The following TMC2 variants were observed in gnomAD, a reference collection of about 807,000 sequenced individuals.
TMC2 encodes the protein transmembrane channel-like protein 2.
In TMC2, 102 loss-of-function variants were observed where a neutral mutation model predicts 105.9. The observed-to-expected ratio is 0.96, with a 90% CI of 0.82 to 1.14. The LOEUF (loss-of-function observed/expected upper bound fraction) is 1.14, where lower values mean the gene tolerates loss of function less well. Ranked by LOEUF, TMC2 falls within the 50% of genes most tolerant of loss-of-function variation. The pLI, the probability that TMC2 is intolerant of heterozygous loss-of-function variation, is 0.00. For synonymous variants in TMC2, 402 were observed against 422.8 expected (o/e 0.95, Z 0.60); for missense variants, 1,093 against 1,134.3 (o/e 0.96, Z 0.52).
chr20:2,624,223 CCACAGGCA>C, intron 16 of TMC2, 40 bp from the exon 17 acceptor site: 1 of 1,591,238 alleles, frequency 6.3e-7, no homozygotes, highest in Middle Eastern at 1.7e-4. Context: ...GCTGTGAATG[CCACAGGCA>C]CATGGCAGCA....
intron 10 of TMC2, among the ~76,000 whole-genome samples, chr20:2,598,231 G>A (rs1021957386): frequency 2.0e-5 from 3 of 151,496 alleles, no homozygotes; most frequent in Non-Finnish European, 2.9e-5. Flanking sequence ...CTTGGTAGTT[G>A]GAAAATAACA....
chr20:2,597,209 A>C lies in TMC2; in HGVS notation c.1135A>C (p.Ser379Arg), dbSNP rs1196277297. Residue 379 changes from serine to arginine, a missense_variant, in exon 10 of 20, where the codon AGC (serine) becomes CGC (arginine). Physicochemically the swap from Ser to Arg is moderately radical, Grantham distance 110 (BLOSUM62 -1). Transcript: ENST00000358864. ...AGGGGAGAGTGACAACTTCACATTC[A>C]GCTTCAAGATGTTCACCAGCTGGGA... is the stretch of plus-strand genomic sequence containing the variant. ...GEGESDNFTF[S>R]FKMFTSWDYL... is the part of the protein sequence containing the mutation. 1.2e-6 allele frequency: 2 copies of C among 1,614,156 alleles called. No individual in the cohort carries two copies. The highest frequency in any genetic ancestry group is 4.5e-5 in the East Asian group (2 of 44,882).
intron 11 of TMC2, among the ~76,000 whole-genome samples, chr20:2,603,933 C>A (rs1157757105): frequency 6.6e-6 from 1 of 152,212 alleles, no homozygotes; most frequent in Non-Finnish European, 1.5e-5. Context: ...AGCCAACTAG[C>A]AGTTCTTGAA....
chr20:2,557,043 C>T (rs1003141494), intron 2 of TMC2, among the ~76,000 whole-genome samples: 1 of 151,998 alleles, frequency 6.6e-6, no homozygotes, highest in Non-Finnish European at 1.5e-5. Context: ...AGTGTGAATA[C>T]GATATGCCTA....
At chr20:2,598,908 A>G (rs6050514) in intron 10 of TMC2, among the ~76,000 whole-genome samples, 8,422 of 152,194 alleles carry the variant, frequency 0.055, 568 homozygotes, top group African/African-American at 0.16. Flanking sequence ...AAAAAGAGAC[A>G]GAAAGTTTCC....
At chr20:2,574,423 C>T (rs2086128306) in intron 5 of TMC2, among the ~76,000 whole-genome samples, 1 of 152,150 alleles carries the variant, frequency 6.6e-6, no homozygotes, top group African/African-American at 2.4e-5. Context: ...ATAGCGTTAC[C>T]TCCTCTTTAT....
intron 2 of TMC2, among the ~76,000 whole-genome samples, chr20:2,543,747 T>G (rs1007883683): frequency 6.6e-6 from 1 of 152,194 alleles, no homozygotes; most frequent in African/African-American, 2.4e-5. Flanking sequence ...CAATTTCTCC[T>G]TGTGGTCATT....
intron 7 of TMC2, among the ~76,000 whole-genome samples, chr20:2,589,251 A>G (rs2086251363): frequency 7.9e-6 from 1 of 126,788 alleles, no homozygotes; most frequent in Non-Finnish European, 1.6e-5. Context: ...GGCTTTTTCC[A>G]GATATCTTCC....
chr20:2,630,212 G>C (rs2086594151), intron 17 of TMC2, among the ~76,000 whole-genome samples: 1 of 152,078 alleles, frequency 6.6e-6, no homozygotes, highest in Non-Finnish European at 1.5e-5. Flanking sequence ...CGATTGCATT[G>C]GATAGAACTT....
chr20:2,627,355 G>A (rs7509377), intron 17 of TMC2, among the ~76,000 whole-genome samples: 63,293 of 152,030 alleles, frequency 0.42, 15,437 homozygotes, highest in East Asian at 0.55. Flanking sequence ...CAGCCTCTCT[G>A]GTGTCATTTT....
intron 6 of TMC2, 58 bp from the exon 7 acceptor site, chr20:2,579,892 A>T: frequency 9.2e-7 from 1 of 1,091,686 alleles, no homozygotes; most frequent in Non-Finnish European, 1.4e-6. Flanking sequence ...TAAAGTGCTC[A>T]ATAGTGTCCA....
At chr20:2,577,198 G>A (rs189897526) in intron 5 of TMC2, among the ~76,000 whole-genome samples, 93 of 151,952 alleles carry the variant, frequency 6.1e-4, no homozygotes, top group African/African-American at 2.2e-4. Flanking sequence ...GTGAGCAACC[G>A]TCCCCAGCCT....
intron 7 of TMC2, among the ~76,000 whole-genome samples, chr20:2,589,400 C>A (rs1246083887): frequency 1.3e-5 from 2 of 151,634 alleles, no homozygotes; most frequent in Non-Finnish European, 2.9e-5. Context: ...CTCAACCTCC[C>A]AAACCTATTT....
At chr20:2,593,929 A>G (rs2086286093) in intron 8 of TMC2, among the ~76,000 whole-genome samples, 2 of 152,042 alleles carry the variant, frequency 1.3e-5, no homozygotes, top group African/African-American at 4.8e-5. Flanking sequence ...TAGTGCCCCA[A>G]TGCCACCAAG....
At chr20:2,629,014 A>G (rs1193066272) in intron 17 of TMC2, among the ~76,000 whole-genome samples, 2 of 151,552 alleles carry the variant, frequency 1.3e-5, no homozygotes, top group African/African-American at 4.8e-5. Context: ...AGGCAGGAGA[A>G]TGGCGTGAAC....
chr20:2,592,238 C>T lies in TMC2; in HGVS notation c.835-72C>T. On this transcript the variant is annotated intron_variant, in intron 7 of 19. Coordinates refer to ENST00000358864, the MANE Select transcript of TMC2 (RefSeq NM_080751.3). The surrounding 1 kb of genome is among the most constrained non-coding windows in gnomAD (Gnocchi z 4.9). Reference sequence around the variant, plus strand: ...CCGCTCTGAGAAGGAAAGCATTTACCCCAGTATATGAATGTCTCTGTGTGT... The same window carrying T: ...CCGCTCTGAGAAGGAAAGCATTTACTCCAGTATATGAATGTCTCTGTGTGT... 6 of 909,370 alleles carry T rather than the reference C, an allele frequency of 6.6e-6. No homozygotes were observed. Among genetic ancestry groups the T allele is most frequent in the Non-Finnish European group, 1.1e-5 (6 of 554,854 alleles). The allele number at this position is 909,370 out of a possible 1,614,324, so 56.3% of individuals were successfully genotyped here.
rs777613688 is a variant in TMC2 at position 2,592,644 on chromosome 20, C to A, written c.933+236C>A. On this transcript the variant is annotated intron_variant, in intron 8 of 19. Coordinates refer to ENST00000358864, the MANE Select transcript of TMC2 (RefSeq NM_080751.3). The surrounding 1 kb of genome is among the most constrained non-coding windows in gnomAD (Gnocchi z 4.9). ...ATGTGGGCTCCCCATGCAGCCACTG[C>A]ACCTCTCTGTCTGCCAGGTCTCTGT... Among the ~76,000 whole-genome samples the A allele has an allele frequency of 6.6e-5, 10 of 152,168 alleles. No individual in the cohort carries two copies. The highest frequency in any genetic ancestry group is 1.2e-4 in the Non-Finnish European group (8 of 68,024).
chr20:2,569,880 C>A (rs73583378), intron 4 of TMC2, among the ~76,000 whole-genome samples: 19,301 of 152,188 alleles, frequency 0.13, 1,528 homozygotes, highest in African/African-American at 0.21. Context: ...AGAGGGGCCC[C>A]AGACACAGAG....
intron 2 of TMC2, among the ~76,000 whole-genome samples, chr20:2,545,647 C>T (rs2085917484): frequency 1.3e-5 from 2 of 149,396 alleles, no homozygotes; most frequent in Admixed American, 6.7e-5. Context: ...TTTGAGATCA[C>T]TAAGTAGGTC....
Sources: allele counts gnomAD v4.1 joint callset (sites outside exome capture counted in the v4.1 genomes callset), GRCh38; gene constraint gnomAD v4.1.1; non-coding constraint Gnocchi (gnomAD v3.1); transcripts MANE v1.5; gene names NCBI Gene and HGNC (gene_info 2026-07-23, HGNC 2026-07-21).